Variants in SOD2 observed in about 807,000 individuals in gnomAD.
The protein encoded by SOD2 is superoxide dismutase 2, also known as superoxide dismutase [Mn], mitochondrial.
In SOD2, 11 loss-of-function variants were observed where a neutral mutation model predicts 27.0. That is an observed-to-expected ratio of 0.41 (90% CI 0.26 to 0.67). The LOEUF (loss-of-function observed/expected upper bound fraction) is 0.67. Among genes scored for constraint, SOD2 ranks in the 30% least tolerant of loss-of-function variants. SOD2 has a pLI of 0.34. For missense variants in SOD2, 250 were observed against 274.5 expected (o/e 0.91, Z 0.63); for synonymous variants, 105 against 103.0 (o/e 1.02, Z -0.12).
At chr6:159,722,648 C>T (rs1778063858) in intron 1 of SOD2, among the ~76,000 whole-genome samples, 1 of 152,092 alleles carries the variant, frequency 6.6e-6, no homozygotes, top group Admixed American at 6.5e-5. Flanking sequence ...TCCCATGTCT[C>T]TAAAATTTAT....
At position 159,678,092 on chromosome 6, in the gene SOD2, C is replaced by T. The variant is rs915338594; in HGVS notation, c.*4401G>A. 3.9e-5 allele frequency: 6 copies of T among 152,134 alleles called. No homozygotes were observed. The highest frequency in any genetic ancestry group is 1.4e-4 in the African/African-American group (6 of 41,416). 9.4% of individuals were successfully genotyped at this position (152,134 alleles called of 1,614,324 possible). ...GGTAATGCTGACATAATGAAGCCTCCGTAAAACCCCAAAGGGTCGGGGTCC... is the reference window on the plus strand; with the variant it reads ...GGTAATGCTGACATAATGAAGCCTCTGTAAAACCCCAAAGGGTCGGGGTCC... On this transcript the variant is annotated 3_prime_UTR_variant, in exon 5 of 5. Coordinates refer to ENST00000538183, the MANE Select transcript of SOD2 (RefSeq NM_000636.4).
upstream of SOD2, among the ~76,000 whole-genome samples, chr6:159,747,392 G>T (rs1267043601): frequency 1.3e-5 from 2 of 152,092 alleles, no homozygotes; most frequent in African/African-American, 4.8e-5. Context: ...AAACAGTTGG[G>T]TTATTTAATC....
At position 159,670,427 on chromosome 6, in the gene SOD2, A is replaced by C. The variant is rs1779630161; in HGVS notation, c.*12066T>G. 6.6e-6 allele frequency: 1 copy of C among 152,194 alleles called. No homozygotes were observed. The highest frequency in any genetic ancestry group is 2.4e-5 in the African/African-American group (1 of 41,448). The allele number at this position is 152,194 out of a possible 1,614,324, so 9.4% of individuals were successfully genotyped here. ...CCTCCAGGCATCCACTCTGAGCCCC[A>C]GTGAAGAATGGTGGCAGCTGTAAGC... On this transcript the variant is annotated 3_prime_UTR_variant, in exon 5 of 5. Coordinates refer to ENST00000538183, the MANE Select transcript of SOD2 (RefSeq NM_000636.4).
chr6:159,739,583 A>G (rs1779120074), intron 1 of SOD2, among the ~76,000 whole-genome samples: 1 of 152,246 alleles, frequency 6.6e-6, no homozygotes, highest in Non-Finnish European at 1.5e-5. Context: ...GTAAGAAATC[A>G]GGAAGTAGGA....
At chr6:159,739,999 T>G (rs1779153548) in intron 1 of SOD2, among the ~76,000 whole-genome samples, 1 of 152,106 alleles carries the variant, frequency 6.6e-6, no homozygotes, top group African/African-American at 2.4e-5. Flanking sequence ...ATGCTGGGTT[T>G]TTTTTTGTTT....
At position 159,679,130 on chromosome 6, in the gene SOD2, G is replaced by C. The variant is rs751129510; in HGVS notation, c.*3363C>G. The C allele has an allele frequency of 1.3e-4, 20 of 152,150 alleles. No homozygotes were observed. The highest frequency in any genetic ancestry group is 1.9e-4 in the Non-Finnish European group (13 of 68,004). The allele number at this position is 152,150 out of a possible 1,614,324, so 9.4% of individuals were successfully genotyped here. A position where few individuals can be genotyped will look rare whatever the true frequency, so the allele number is the denominator to read the frequency against. On this transcript the variant is annotated 3_prime_UTR_variant, in exon 5 of 5. Coordinates refer to ENST00000538183, the MANE Select transcript of SOD2 (RefSeq NM_000636.4). ...ATGCAGACCTCTTTGATGGTTGACA[G>C]ATTCTTTTATTAACAGTCAAAAACT...
Position 159,680,523 on chromosome 6 carries a change from T to C in SOD2, c.*1970A>G, listed in dbSNP as rs144036430. ...ATTTTTTTTAAACTTCAGTCTTCAA[T>C]ATTGAAACTGCTAAGTTACCCCATT... On this transcript the variant is annotated 3_prime_UTR_variant, in exon 5 of 5. Transcript: ENST00000538183. 67 of 150,922 alleles carry C rather than the reference T, an allele frequency of 4.4e-4. No individual in the cohort carries two copies. The highest frequency in any genetic ancestry group is 1.2e-3 in the African/African-American group (49 of 41,006). 9.3% of individuals were successfully genotyped at this position (150,922 alleles called of 1,614,324 possible).
intron 1 of SOD2, among the ~76,000 whole-genome samples, chr6:159,714,243 G>A (rs886876878): frequency 6.6e-6 from 1 of 152,164 alleles, no homozygotes; most frequent in African/African-American, 2.4e-5. Flanking sequence ...ACGTCGGGTT[G>A]TGAGGACCAA....
intron 1 of SOD2, among the ~76,000 whole-genome samples, chr6:159,710,897 A>C (rs1167983092): frequency 6.8e-6 from 1 of 147,846 alleles, no homozygotes; most frequent in East Asian, 2.0e-4. Flanking sequence ...CCGCCTCGAC[A>C]ACCACCACTT....
intron 1 of SOD2, chr6:159,736,275 G>A: frequency 1.9e-6 from 3 of 1,602,444 alleles, no homozygotes; most frequent in South Asian, 1.1e-5. Context: ...GATGACCAAC[G>A]AAGAACCTCT....
upstream of SOD2, among the ~76,000 whole-genome samples, chr6:159,695,940 C>G (rs1777415169): frequency 6.6e-6 from 1 of 152,186 alleles, no homozygotes; most frequent in South Asian, 2.1e-4. Flanking sequence ...ATGGATTTCC[C>G]ATAGATAAAC....
At chr6:159,710,237 T>C (rs1025610125) in intron 1 of SOD2, among the ~76,000 whole-genome samples, 1 of 149,642 alleles carries the variant, frequency 6.7e-6, no homozygotes, top group South Asian at 2.1e-4. Flanking sequence ...ACGTTCGTTG[T>C]GCACATGTAC....
chr6:159,680,937 A>G lies in SOD2; in HGVS notation c.*1556T>C, dbSNP rs1443901590. 1 of 135,376 alleles carries G rather than the reference A, an allele frequency of 7.4e-6. No individual in the cohort carries two copies. The highest frequency in any genetic ancestry group is 1.6e-5 in the Non-Finnish European group (1 of 61,148). The allele number at this position is 135,376 out of a possible 1,614,324, so 8.4% of individuals were successfully genotyped here. ...GGCAACAGAGCAAGACTCTGTCTCC[A>G]AAAAAAAAGAAAAAAAAAAAACGCC... On this transcript the variant is annotated 3_prime_UTR_variant, in exon 5 of 5. Coordinates refer to ENST00000538183, the MANE Select transcript of SOD2 (RefSeq NM_000636.4).
In SOD2 at chr6:159,672,558, C is replaced by T. The variant is rs1414234907; in HGVS notation, c.*9935G>A. The T allele has an allele frequency of 6.6e-5, 10 of 152,096 alleles. No homozygotes were observed. Among genetic ancestry groups the T allele is most frequent in the Admixed American group, 3.3e-4 (5 of 15,262 alleles). 9.4% of individuals were successfully genotyped at this position (152,096 alleles called of 1,614,324 possible). The stretch of plus-strand genomic sequence containing the variant: ...AGCAAATGCTGAGAGATTTTGTCAC[C>T]ACCAGGCCTGCCTTACAAGAGCTCC... On this transcript the variant is annotated 3_prime_UTR_variant, in exon 5 of 5. Coordinates refer to ENST00000538183, the MANE Select transcript of SOD2 (RefSeq NM_000636.4).
intron 1 of SOD2, chr6:159,755,846 C>G: frequency 1.7e-6 from 1 of 605,750 alleles, no homozygotes; most frequent in Non-Finnish European, 2.3e-6. Flanking sequence ...TTGAATGTTG[C>G]TAAAAGGACA....
chr6:159,724,003 C>T (rs1469286835), intron 1 of SOD2, among the ~76,000 whole-genome samples: 1 of 151,980 alleles, frequency 6.6e-6, no homozygotes, highest in African/African-American at 2.4e-5. Flanking sequence ...GCCACTTTGG[C>T]TTCCCAAAGC....
intron 1 of SOD2, among the ~76,000 whole-genome samples, chr6:159,709,783 A>C (rs1025830960): frequency 6.6e-6 from 1 of 152,082 alleles, no homozygotes; most frequent in African/African-American, 2.4e-5. Context: ...ACCCAAAGGA[A>C]TATAAATCAT....
chr6:159,692,629 G>A (rs1032548833), intron 2 of SOD2, 32 bp downstream of exon 2: 1 of 1,610,312 alleles, frequency 6.2e-7, no homozygotes, highest in Non-Finnish European at 8.5e-7. Context: ...CTCTGCCGGG[G>A]ACTGCCTCCC....
intron 1 of SOD2, chr6:159,744,985 A>T (rs1779488832): frequency 6.6e-6 from 1 of 152,186 alleles, no homozygotes; most frequent in South Asian, 2.1e-4. Flanking sequence ...CTGGCCCATT[A>T]TCATTTTCTC....
Sources: gnomAD v4.1 joint callset for allele counts (sites outside exome capture counted in the v4.1 genomes callset) on GRCh38, gnomAD v4.1.1 for gene constraint, MANE v1.5 for transcripts, NCBI Gene and HGNC (gene_info 2026-07-23, HGNC 2026-07-21) for gene names.